KCNH5: variants seen among roughly 807,000 people sequenced by gnomAD.
KCNH5 encodes potassium voltage-gated channel subfamily H member 5.
Under a neutral mutation model 96.1 loss-of-function variants are expected in KCNH5, and 46 were observed. The observed-to-expected ratio is 0.48, with a 90% CI of 0.38 to 0.61. The LOEUF (loss-of-function observed/expected upper bound fraction) is 0.61. Among genes scored for constraint, KCNH5 ranks in the 20% least tolerant of loss-of-function variants. KCNH5 has a pLI of 0.00. For synonymous variants in KCNH5, 439 were observed against 449.8 expected (o/e 0.98, Z 0.30); for missense variants, 907 against 1,225.8 (o/e 0.74, Z 3.88).
At chr14:62,968,342 G>T (rs543289103) in intron 6 of KCNH5, among the ~76,000 whole-genome samples, 1 of 152,226 alleles carries the variant, frequency 6.6e-6, no homozygotes, top group Admixed American at 6.5e-5. Flanking sequence ...GTAGATATCT[G>T]TTCAGAGACT....
intron 10 of KCNH5, among the ~76,000 whole-genome samples, chr14:62,760,933 C>T (rs1885734128): frequency 6.6e-6 from 1 of 152,192 alleles, no homozygotes; most frequent in African/African-American, 2.4e-5. Context: ...GTATATAATG[C>T]TTTAAAGTCC....
intron 7 of KCNH5, among the ~76,000 whole-genome samples, chr14:62,919,908 C>T (rs558297875): frequency 6.6e-6 from 1 of 152,070 alleles, no homozygotes; most frequent in African/African-American, 2.4e-5. Flanking sequence ...GAGAGGTCAG[C>T]GAAGGCGTAC....
chr14:62,775,616 G>C (rs2139970788), intron 10 of KCNH5, among the ~76,000 whole-genome samples: 1 of 152,208 alleles, frequency 6.6e-6, no homozygotes, highest in South Asian at 2.1e-4. Context: ...GCTTTGTGTA[G>C]CTACTTCTTA....
At chr14:62,824,181 GC>G (rs1300652148) in intron 8 of KCNH5, among the ~76,000 whole-genome samples, 1 of 151,970 alleles carries the variant, frequency 6.6e-6, no homozygotes, top group Non-Finnish European at 1.5e-5. Flanking sequence ...AGTTTCAGAT[GC>G]TGAGCAAAAA....
chr14:62,740,224 G>A (rs151204965), intron 10 of KCNH5, among the ~76,000 whole-genome samples: 5 of 152,244 alleles, frequency 3.3e-5, no homozygotes, highest in East Asian at 1.9e-4. Context: ...CGGATGATGT[G>A]TATGTGGGTA....
intron 7 of KCNH5, among the ~76,000 whole-genome samples, chr14:62,866,675 TGAA>T (rs1433199145): frequency 6.6e-6 from 1 of 152,176 alleles, no homozygotes; most frequent in Non-Finnish European, 1.5e-5. Context: ...ATTAACAATA[TGAA>T]GAAGAAGAAA....
At chr14:62,894,778 T>C (rs1888778639) in intron 7 of KCNH5, among the ~76,000 whole-genome samples, 1 of 152,194 alleles carries the variant, frequency 6.6e-6, no homozygotes, top group Non-Finnish European at 1.5e-5. Context: ...CTTAACTAAA[T>C]GAATCCACCT....
At chr14:62,855,841 C>T (rs1165723342) in intron 7 of KCNH5, among the ~76,000 whole-genome samples, 1 of 152,298 alleles carries the variant, frequency 6.6e-6, no homozygotes, top group East Asian at 1.9e-4. Flanking sequence ...CATCACTATT[C>T]ATTCAAGCAT....
intron 7 of KCNH5, among the ~76,000 whole-genome samples, chr14:62,863,534 T>C (rs1218730490): frequency 1.3e-5 from 2 of 152,208 alleles, no homozygotes; most frequent in Non-Finnish European, 2.9e-5. Flanking sequence ...TAAGCCATAG[T>C]ATATAAAGAC....
intron 10 of KCNH5, among the ~76,000 whole-genome samples, chr14:62,719,070 C>A (rs928719645): frequency 6.6e-6 from 1 of 152,118 alleles, no homozygotes; most frequent in Non-Finnish European, 1.5e-5. Flanking sequence ...AGTGGAATGA[C>A]CACAAATGTT....
rs1491457497 is a variant in KCNH5, at chr14:63,003,624, A to ATATATATATTTT, written c.305-2166_305-2165insAAAATATATATA. On this transcript the variant is annotated intron_variant, in intron 3 of 10. Coordinates refer to ENST00000322893, the MANE Select transcript of KCNH5 (RefSeq NM_139318.5). ...TATTTATATTTATATATATATATATATTTTTTTTTTTTTGAGACGGAGTCT... is the reference window on the plus strand; with the variant it reads ...TATTTATATTTATATATATATATATATATATATATTTTTTTTTTTTTTTTTGAGACGGAGTCT... 1.4e-4 allele frequency among the ~76,000 whole-genome samples: 13 copies of ATATATATATTTT among 92,796 alleles called. No homozygotes were observed. In the East Asian group the frequency reaches 2.9e-3, roughly 21 times the overall value. 60.9% of individuals were successfully genotyped at this position (92,796 alleles called of 152,430 possible). A position where few individuals can be genotyped will look rare whatever the true frequency, so the allele number is the denominator to read the frequency against.
intron 7 of KCNH5, among the ~76,000 whole-genome samples, chr14:62,878,503 T>C (rs1888428572): frequency 6.6e-6 from 1 of 152,064 alleles, no homozygotes; most frequent in African/African-American, 2.4e-5. Context: ...CACTTCCAAA[T>C]ATCATTAGAC....
intron 6 of KCNH5, among the ~76,000 whole-genome samples, chr14:62,972,830 C>T (rs1890434500): frequency 6.6e-6 from 1 of 152,152 alleles, no homozygotes; most frequent in South Asian, 2.1e-4. Context: ...CACAAAGGAT[C>T]AGTGGTTGCC....
chr14:62,961,988 C>G (rs1336623246), intron 6 of KCNH5, among the ~76,000 whole-genome samples: 9 of 140,146 alleles, frequency 6.4e-5, no homozygotes, highest in African/African-American at 2.5e-4. Flanking sequence ...GATAGAGATG[C>G]AGATGCAGAT....
chr14:63,041,779 C>G (rs984533526), intron 1 of KCNH5, among the ~76,000 whole-genome samples: 1 of 151,902 alleles, frequency 6.6e-6, no homozygotes, highest in East Asian at 1.9e-4. Context: ...TTGCAATGCT[C>G]GCTTATAACA....
chr14:62,876,565 G>T (rs529165287), intron 7 of KCNH5, among the ~76,000 whole-genome samples: 5 of 152,254 alleles, frequency 3.3e-5, no homozygotes, highest in Non-Finnish European at 5.9e-5. Context: ...CCAACAAATA[G>T]TTGAAAAGTT....
At chr14:63,043,277 A>T (rs1891860393) in intron 1 of KCNH5, among the ~76,000 whole-genome samples, 2 of 152,202 alleles carry the variant, frequency 1.3e-5, no homozygotes. Context: ...CTTTCTCTTT[A>T]TAAAGCAGAG....
At chr14:62,852,410 T>C (rs1326959530) in intron 7 of KCNH5, among the ~76,000 whole-genome samples, 1 of 152,250 alleles carries the variant, frequency 6.6e-6, no homozygotes, top group Admixed American at 6.5e-5. Flanking sequence ...TTCAATTGTA[T>C]GTTTACATTT....
intron 10 of KCNH5, among the ~76,000 whole-genome samples, chr14:62,750,041 G>A (rs771478467): frequency 6.6e-6 from 1 of 152,184 alleles, no homozygotes; most frequent in Non-Finnish European, 1.5e-5. Context: ...TGGTAAAGGT[G>A]TCAATGAACA....
Sources: gnomAD v4.1 joint callset for allele counts (sites outside exome capture counted in the v4.1 genomes callset) on GRCh38, gnomAD v4.1.1 for gene constraint, MANE v1.5 for transcripts, NCBI Gene and HGNC (gene_info 2026-07-23, HGNC 2026-07-21) for gene names.